CGAS: variants seen among roughly 807,000 people sequenced by gnomAD.
CGAS encodes cyclic GMP-AMP synthase.
In CGAS, 31 loss-of-function variants were observed where a neutral mutation model predicts 34.0. The observed-to-expected ratio is 0.91, with a 90% CI of 0.69 to 1.23. The LOEUF (loss-of-function observed/expected upper bound fraction) is 1.23, where lower values mean the gene tolerates loss of function less well. Among genes scored for constraint, CGAS ranks in the 50% most tolerant of loss-of-function variants. CGAS has a pLI of 0.00. For missense variants in CGAS, 597 were observed against 657.6 expected, an observed-to-expected ratio of 0.91 and a Z score of 1.01; for synonymous variants, 266 against 260.0, an observed-to-expected ratio of 1.02 and a Z score of -0.22.
Position 73,428,793 on chromosome 6 carries a change from G to C in CGAS, c.1133C>G (p.Ser378Cys). The C allele has an allele frequency of 6.2e-7, 1 of 1,613,234 alleles. No individual in the cohort carries two copies. The highest frequency in any genetic ancestry group is 8.5e-7 in the Non-Finnish European group (1 of 1,179,760). The change falls in exon 4 of 5, where the codon TCC becomes TGC. Residue 378 changes from serine (S) to cysteine (C), a missense_variant. This residue lies in a region of CGAS where 271 missense variants were observed against 324.1 expected (regional missense o/e 0.84). Transcript: ENST00000370315. ...AATTTCCTTTTCGATGTGAGAGAAG[G>C]ATAGCCGCCATGTTTCTTCTTAATT... ...NGFQEETWRL[S>C]FSHIEKEILN...
At chr6:73,450,715 G>A (rs376633466) in intron 1 of CGAS, among the ~76,000 whole-genome samples, 3 of 152,172 alleles carry the variant, frequency 2.0e-5, no homozygotes, top group East Asian at 1.9e-4. Context: ...ACGGCCGGGC[G>A]CGGTAGCTCA....
chr6:73,452,055 C>A lies in CGAS; in HGVS notation c.127G>T (p.Ala43Ser). ...AACTTTCCCGCCTTAGGCAGGGCGG[C>A]CTCGGGGGCAGCCGGAGACTCGGTG... ...DPTESPAAPE[A>S]ALPKAGKFGP... is the part of the protein sequence containing the mutation. The change falls in exon 1 of 5, where the codon GCC (alanine) becomes TCC (serine). Residue 43 changes from alanine to serine, a missense_variant. By Grantham distance (99) the Ala-to-Ser change is moderately conservative (BLOSUM62 1). Coordinates refer to ENST00000370315, the MANE Select transcript of CGAS (RefSeq NM_138441.3). The A allele has an allele frequency of 6.6e-7, 1 of 1,523,988 alleles. No individual in the cohort carries two copies. Among genetic ancestry groups the A allele is most frequent in the South Asian group, 1.2e-5 (1 of 81,064 alleles). 94.4% of individuals were successfully genotyped at this position (1,523,988 alleles called of 1,614,324 possible). A position where few individuals can be genotyped will look rare whatever the true frequency, so the allele number is the denominator to read the frequency against.
chr6:73,431,345 C>G (rs572083086), intron 3 of CGAS, among the ~76,000 whole-genome samples: 2 of 151,362 alleles, frequency 1.3e-5, no homozygotes, highest in East Asian at 4.0e-4. Flanking sequence ...GTGGCACAAG[C>G]CTGTAATCCC....
intron 3 of CGAS, among the ~76,000 whole-genome samples, chr6:73,435,606 A>G (rs756969659): frequency 6.6e-6 from 1 of 152,128 alleles, no homozygotes. Flanking sequence ...CAGGGCGTCT[A>G]TAAAATTAAA....
At chr6:73,451,493 G>C (rs763914714) in intron 1 of CGAS, 32 bp downstream of exon 1, 3 of 1,515,036 alleles carry the variant, frequency 2.0e-6, no homozygotes, top group Non-Finnish European at 1.8e-6. Context: ...GCCGAGCAGC[G>C]GGGCTCGGCG....
chr6:73,447,845 T>C (rs1186144380), intron 1 of CGAS, among the ~76,000 whole-genome samples: 1 of 152,220 alleles, frequency 6.6e-6, no homozygotes, highest in Non-Finnish European at 1.5e-5. Context: ...TTATTGACTT[T>C]GCAACCAGCA....
At chr6:73,438,177 T>C (rs1190630228) in intron 3 of CGAS, among the ~76,000 whole-genome samples, 1 of 152,208 alleles carries the variant, frequency 6.6e-6, no homozygotes, top group East Asian at 1.9e-4. Context: ...AGAAAAGATA[T>C]AGCAGGTGTT....
intron 1 of CGAS, among the ~76,000 whole-genome samples, chr6:73,451,005 GAAAAGAAAAGAA>G (rs1302535541): frequency 7.1e-6 from 1 of 140,844 alleles, no homozygotes. Flanking sequence ...AAAAAAAAAA[GAAAAGAAAAGAA>G]AAAAGAAAAA....
At chr6:73,450,473 G>A (rs1770546722) in intron 1 of CGAS, among the ~76,000 whole-genome samples, 1 of 151,942 alleles carries the variant, frequency 6.6e-6, no homozygotes, top group Non-Finnish European at 1.5e-5. Context: ...CTCTTGCTGG[G>A]CAAGAAACAC....
intron 3 of CGAS, among the ~76,000 whole-genome samples, chr6:73,430,131 T>C (rs1188534733): frequency 6.6e-6 from 1 of 151,676 alleles, no homozygotes; most frequent in African/African-American, 2.4e-5. Flanking sequence ...TAGAAAACTA[T>C]AGCAACAATC....
chr6:73,434,624 GA>G (rs1323550818), intron 3 of CGAS, among the ~76,000 whole-genome samples: 1 of 151,784 alleles, frequency 6.6e-6, no homozygotes, highest in East Asian at 1.9e-4. Context: ...AGGACATTAA[GA>G]AAAACTAAGG....
intron 2 of CGAS, among the ~76,000 whole-genome samples, chr6:73,441,769 AGAGCAC>A (rs1770384699): frequency 1.3e-5 from 2 of 152,232 alleles, no homozygotes; most frequent in Non-Finnish European, 1.5e-5. Context: ...GTGACGAAGT[AGAGCAC>A]AAAGGAGAAA....
intron 3 of CGAS, among the ~76,000 whole-genome samples, chr6:73,433,772 C>A (rs1257826923): frequency 6.6e-6 from 1 of 152,130 alleles, no homozygotes. Context: ...CAGGCGTGAG[C>A]CACCACGCCT....
intron 3 of CGAS, among the ~76,000 whole-genome samples, chr6:73,429,636 C>T (rs1035598069): frequency 9.3e-5 from 14 of 151,100 alleles, no homozygotes; most frequent in African/African-American, 1.7e-4. Flanking sequence ...ACCATCCTGG[C>T]TAACACAGTG....
chr6:73,442,852 C>G (rs1770406715), intron 2 of CGAS, among the ~76,000 whole-genome samples: 1 of 152,016 alleles, frequency 6.6e-6, no homozygotes, highest in South Asian at 2.1e-4. Context: ...CCACCTTGGC[C>G]TCCCAAAGTG....
Position 73,424,996 on chromosome 6 carries a change from G to A in CGAS, c.*231C>T, listed in dbSNP as rs564389498. On this transcript the variant is annotated 3_prime_UTR_variant, in exon 5 of 5. Coordinates refer to ENST00000370315, the MANE Select transcript of CGAS (RefSeq NM_138441.3). ...AGCCTCCCGAGTAGCTGGGATTACA[G>A]GCATGCATCACCATGCCCGGCTAAT... 8.9e-5 allele frequency: 28 copies of A among 315,944 alleles called. No individual in the cohort carries two copies. The highest frequency in any genetic ancestry group is 1.5e-4 in the Non-Finnish European group (25 of 170,868). The allele number at this position is 315,944 out of a possible 1,614,324, so 19.6% of individuals were successfully genotyped here.
chr6:73,442,419 G>A (rs1261173336), intron 2 of CGAS, among the ~76,000 whole-genome samples: 1 of 115,500 alleles, frequency 8.7e-6, no homozygotes, highest in Non-Finnish European at 1.8e-5. Flanking sequence ...TTTTTTTTTT[G>A]AGACAGGGTC....
rs774876823 is a variant in CGAS, at chr6:73,452,158, G to A, written c.24C>T (p.Ala8=). 3.4e-5 allele frequency: 54 copies of A among 1,608,032 alleles called. No individual in the cohort carries two copies. Among genetic ancestry groups the A allele is most frequent in the Non-Finnish European group, 4.4e-5 (52 of 1,177,864 alleles). The change falls in exon 1 of 5, where the codon GCC becomes GCT. Residue 8 remains alanine (A), a synonymous_variant. Transcript: ENST00000370315. The stretch of plus-strand genomic sequence containing the variant: ...CTCCGGCCTCGGAAGCTCTCTGCAT[G>A]GCCTTTCCGTGCCAAGGCTGCATGG... MQPWHGK[A]MQRASEAGAT...
chr6:73,425,183 A>G lies in CGAS; in HGVS notation c.*44T>C, dbSNP rs1770064117. 7.1e-7 allele frequency: 1 copy of G among 1,405,054 alleles called. No individual in the cohort carries two copies. The highest frequency in any genetic ancestry group is 9.6e-7 in the Non-Finnish European group (1 of 1,042,398). The allele number at this position is 1,405,054 out of a possible 1,614,324, so 87.0% of individuals were successfully genotyped here. ...TCAAATTTTTCTTGTATTCTCCAGG[A>G]TTTAGGGTGACTCTAGTTCTTAGAT... On this transcript the variant is annotated 3_prime_UTR_variant, in exon 5 of 5. Coordinates refer to ENST00000370315, the MANE Select transcript of CGAS (RefSeq NM_138441.3).
Sources: allele counts gnomAD v4.1 joint callset (sites outside exome capture counted in the v4.1 genomes callset), GRCh38; gene constraint gnomAD v4.1.1; regional missense constraint gnomAD v4.1.1; transcripts MANE v1.5; gene names NCBI Gene and HGNC (gene_info 2026-07-23, HGNC 2026-07-21).